WNK3: variants seen among roughly 807,000 people sequenced by gnomAD.
WNK3 encodes WNK lysine deficient protein kinase 3.
In WNK3, 18 loss-of-function variants were observed where a neutral mutation model predicts 116.7. The observed-to-expected ratio is 0.15, with a 90% CI of 0.11 to 0.23. The LOEUF is 0.23. Among genes scored for constraint, WNK3 ranks in the 10% least tolerant of loss-of-function variants. The probability of loss-of-function intolerance (pLI) is 1.00; values close to 1 mark genes in which losing one functional copy is unlikely to be tolerated. For missense variants in WNK3, 993 were observed against 1,323.8 expected, an observed-to-expected ratio of 0.75 and a Z score of 3.88; for synonymous variants, 404 against 469.4, an observed-to-expected ratio of 0.86 and a Z score of 1.80.
chrX:54,310,860 G>A (rs1270259524), intron 3 of WNK3, among the ~76,000 whole-genome samples: 3 of 110,332 alleles, frequency 2.7e-5, no homozygotes, highest in African/African-American at 9.9e-5. Context: ...CTCCTGAGTA[G>A]CTGGGACTAC....
chrX:54,255,862 T>C (rs1557155386), exon 12 of WNK3: 1 of 1,203,756 alleles, frequency 8.3e-7, no homozygotes, highest in South Asian at 1.8e-5. Context: ...ACGTTTTCCT[T>C]CGTAGTTGCC....
At chrX:54,263,954 TC>T (rs1260828167) in intron 10 of WNK3, among the ~76,000 whole-genome samples, 1 of 107,963 alleles carries the variant, frequency 9.3e-6, no homozygotes, top group Non-Finnish European at 1.9e-5. Flanking sequence ...AGCCCCAACC[TC>T]CCAGGCTCAA....
chrX:54,240,041 A>C (rs781989940), intron 17 of WNK3, among the ~76,000 whole-genome samples: 1 of 112,432 alleles, frequency 8.9e-6, no homozygotes, highest in East Asian at 2.8e-4. Context: ...GCAGTGGCTC[A>C]CGCCTGTAAT....
intron 2 of WNK3, among the ~76,000 whole-genome samples, chrX:54,312,896 C>A (rs952204785): frequency 6.3e-5 from 7 of 110,901 alleles, no homozygotes; most frequent in Non-Finnish European, 1.1e-4. Context: ...CTCTTCCTTT[C>A]TTTTGCTGTT....
chrX:54,322,763 A>T (rs1429069222), intron 2 of WNK3, among the ~76,000 whole-genome samples: 2 of 111,817 alleles, frequency 1.8e-5, no homozygotes, highest in East Asian at 5.6e-4. Context: ...GGATTAAATA[A>T]AATATTCAAA....
chrX:54,257,568 G>A (rs2068206608), intron 11 of WNK3, among the ~76,000 whole-genome samples: 1 of 109,856 alleles, frequency 9.1e-6, no homozygotes, highest in Non-Finnish European at 1.9e-5. Flanking sequence ...GCTGAGGTGG[G>A]CGGATCACCT....
At chrX:54,289,230 C>T (rs1472807689) in intron 10 of WNK3, among the ~76,000 whole-genome samples, 1 of 110,799 alleles carries the variant, frequency 9.0e-6, no homozygotes, top group African/African-American at 3.3e-5. Context: ...GCTGTGATCT[C>T]GGTGGTTGTA....
chrX:54,341,098 T>C (rs1398478799), intron 1 of WNK3, among the ~76,000 whole-genome samples: 9 of 111,879 alleles, frequency 8.0e-5, no homozygotes, highest in Non-Finnish European at 1.7e-4. Context: ...TTAGGTGTAA[T>C]AGAATATTAA....
chrX:54,334,842 G>A (rs2069214053), intron 1 of WNK3, among the ~76,000 whole-genome samples: 1 of 112,174 alleles, frequency 8.9e-6, no homozygotes, highest in South Asian at 3.7e-4. Flanking sequence ...TTAGAAAATA[G>A]TCAAGAATCT....
intron 22 of WNK3, among the ~76,000 whole-genome samples, chrX:54,220,477 G>A (rs2067749789): frequency 9.0e-6 from 1 of 110,549 alleles, no homozygotes; most frequent in African/African-American, 3.3e-5. Flanking sequence ...CTTGAGCCCA[G>A]GAGGTCGAGG....
intron 2 of WNK3, among the ~76,000 whole-genome samples, chrX:54,332,578 C>T (rs1000402507): frequency 1.8e-5 from 2 of 111,280 alleles, no homozygotes; most frequent in Non-Finnish European, 3.8e-5. Context: ...CAAATTAAAA[C>T]AATTTTTCCA....
intron 13 of WNK3, among the ~76,000 whole-genome samples, chrX:54,252,611 A>C (rs1275618970): frequency 1.9e-5 from 2 of 107,145 alleles, no homozygotes; most frequent in African/African-American, 3.4e-5. Context: ...CGGAGGTTGC[A>C]GTGAGCCAAG....
At chrX:54,247,593 G>A (rs2068085983) in intron 17 of WNK3, among the ~76,000 whole-genome samples, 1 of 110,116 alleles carries the variant, frequency 9.1e-6, no homozygotes, top group South Asian at 3.8e-4. Flanking sequence ...TGTCTGGAAA[G>A]ATTTGTTAAC....
intron 2 of WNK3, among the ~76,000 whole-genome samples, chrX:54,315,554 T>G (rs1368508082): frequency 9.0e-6 from 1 of 111,595 alleles, no homozygotes; most frequent in Non-Finnish European, 1.9e-5. Context: ...CTTAGTTGAT[T>G]AGAGATTCTT....
intron 2 of WNK3, among the ~76,000 whole-genome samples, chrX:54,317,158 CT>C (rs782412506): frequency 0.12 from 11,425 of 98,353 alleles, 1,230 homozygotes; most frequent in African/African-American, 0.32. Context: ...ATGGATGAAT[CT>C]TTTTTTTTTT....
At chrX:54,260,371 T>G (rs2068242701) in intron 10 of WNK3, among the ~76,000 whole-genome samples, 1 of 112,243 alleles carries the variant, frequency 8.9e-6, no homozygotes, top group Non-Finnish European at 1.9e-5. Context: ...CTAATTTAAC[T>G]AATGTTTGTA....
At chrX:54,332,023 A>T in intron 2 of WNK3, among the ~76,000 whole-genome samples, 1 of 111,763 alleles carries the variant, frequency 8.9e-6, no homozygotes, top group Non-Finnish European at 1.9e-5. Context: ...TAAGCATCCC[A>T]TGTGATCAAT....
At chrX:54,206,920 A>AT (rs1308295927) in intron 22 of WNK3, among the ~76,000 whole-genome samples, 2 of 111,219 alleles carry the variant, frequency 1.8e-5, no homozygotes, top group Non-Finnish European at 3.8e-5. Context: ...ATCCCAGCTA[A>AT]TTGGAGGCTG....
chrX:54,246,425 C>G (rs1490298555), intron 17 of WNK3, among the ~76,000 whole-genome samples: 2 of 110,483 alleles, frequency 1.8e-5, no homozygotes, highest in Non-Finnish European at 3.8e-5. Flanking sequence ...TGAGAGCAAG[C>G]TGTTAAGAAA....
Sources: gnomAD v4.1 joint callset for allele counts (sites outside exome capture counted in the v4.1 genomes callset) on GRCh38, gnomAD v4.1.1 for gene constraint, MANE v1.5 for transcripts, NCBI Gene and HGNC (gene_info 2026-07-23, HGNC 2026-07-21) for gene names.